Variants in LYST observed in about 807,000 individuals in gnomAD.
LYST encodes the protein lysosomal trafficking regulator.
In LYST, 192 loss-of-function variants were observed where a neutral mutation model predicts 413.6. The observed-to-expected ratio is 0.46, with a 90% confidence interval of 0.41 to 0.52. LYST has a LOEUF of 0.52. Among genes scored for constraint, LYST ranks in the 20% least tolerant of loss-of-function variants. The probability of loss-of-function intolerance (pLI) is 0.00; values close to 1 mark genes in which losing one functional copy is unlikely to be tolerated. For missense variants in LYST, 3,815 were observed against 4,499.9 expected (o/e 0.85, Z 4.35); for synonymous variants, 1,525 against 1,567.3 (o/e 0.97, Z 0.64).
In LYST at chr1:235,664,918, T is replaced by C. The variant is rs1360614526; in HGVS notation, c.11039-297A>G. 6.6e-6 allele frequency among the ~76,000 whole-genome samples: 1 copy of C among 152,168 alleles called. No individual in the cohort carries two copies. The highest frequency in any genetic ancestry group is 1.5e-5 in the Non-Finnish European group (1 of 68,034). ...AAGAGATTCTTCTGCCTCAGCCTTC[T>C]AAGTTGCTGGGACAACAGGTGCACG... On this transcript the variant is annotated intron_variant, in intron 50 of 52. Transcript: ENST00000389793. This position sits in a 1 kb window ranked among gnomAD's most constrained non-coding sequence, Gnocchi z 4.5.
intron 50 of LYST, among the ~76,000 whole-genome samples, chr1:235,672,247 G>C (rs1658999410): frequency 6.6e-6 from 1 of 152,148 alleles, no homozygotes; most frequent in African/African-American, 2.4e-5. Context: ...TTTGGAACTG[G>C]AAAAATAAAT....
Position 235,755,622 on chromosome 1 carries a change from G to A in LYST, c.7085C>T (p.Ala2362Val). 6.2e-7 allele frequency: 1 copy of A among 1,612,016 alleles called. No homozygotes were observed. Among genetic ancestry groups the A allele is most frequent in the South Asian group, 1.1e-5 (1 of 91,002 alleles). The change falls in exon 25 of 53, where the codon GCA (alanine) becomes GTA (valine). Residue 2362 changes from alanine to valine, a missense_variant. Ala to Val is a moderately conservative substitution (Grantham distance 64, BLOSUM62 0). Around this residue, in one of 4 missense-constraint regions of LYST, gnomAD observed 771 missense variants for 837.1 expected, o/e 0.92. Transcript: ENST00000389793. ...AAATTTATCTTTTTGTTCCTTAGAT[G>A]CTCTAGCAAAATATGCATCTAATAG... ...IKLLDAYFARASKEQKDKFLK... is the reference protein window; with the variant it reads ...IKLLDAYFARVSKEQKDKFLK...
intron 47 of LYST, among the ~76,000 whole-genome samples, chr1:235,688,859 C>G (rs969873146): frequency 1.3e-5 from 2 of 151,916 alleles, no homozygotes; most frequent in Non-Finnish European, 2.9e-5. Context: ...GTGGCACGCA[C>G]CTGTAGTCCC....
chr1:235,723,007 G>C (rs1393668452), intron 39 of LYST, among the ~76,000 whole-genome samples: 1 of 152,234 alleles, frequency 6.6e-6, no homozygotes, highest in Non-Finnish European at 1.5e-5. Flanking sequence ...CTTAAACCAG[G>C]ATGGTAGCAG....
At chr1:235,754,285 T>G (rs1396412130) in intron 25 of LYST, among the ~76,000 whole-genome samples, 1 of 142,704 alleles carries the variant, frequency 7.0e-6, no homozygotes, top group African/African-American at 2.5e-5. Flanking sequence ...CAGGCTGAAG[T>G]GCAATTGTGC....
intron 45 of LYST, among the ~76,000 whole-genome samples, chr1:235,701,633 T>A (rs1661560440): frequency 6.6e-6 from 1 of 152,036 alleles, no homozygotes; most frequent in Admixed American, 6.6e-5. Context: ...TCTCAATCAA[T>A]CAATCAATCA....
chr1:235,811,726 A>G (rs993893290), intron 4 of LYST, among the ~76,000 whole-genome samples: 5 of 152,336 alleles, frequency 3.3e-5, no homozygotes, highest in Admixed American at 2.0e-4. Flanking sequence ...TTACTAAGAC[A>G]GGGAAAGCAA....
chr1:235,780,849 T>A lies in LYST; in HGVS notation c.5214+16A>T, dbSNP rs1435465873. 8.6e-7 allele frequency: 1 copy of A among 1,162,750 alleles called. No individual in the cohort carries two copies. The highest frequency in any genetic ancestry group is 1.6e-5 in the African/African-American group (1 of 63,602). 72.0% of individuals were successfully genotyped at this position (1,162,750 alleles called of 1,614,324 possible). Reference sequence around the variant, plus strand: ...ACATTTACTATAAAATTAAAATTTATAAAATTAAAACTTACAATTAAGAGA... The same window carrying A: ...ACATTTACTATAAAATTAAAATTTAAAAAATTAAAACTTACAATTAAGAGA... On this transcript the variant is annotated intron_variant, in intron 16 of 52. Transcript: ENST00000389793.
rs151188898 is a variant in LYST at position 235,694,890 on chromosome 1, A to T, written c.10565-1404T>A. ...TCTCCTTTAACTATTAGGACAGTAT[A>T]TCTTAAATAGGATCTATTAAAATTG... On this transcript the variant is annotated intron_variant, in intron 46 of 52. Transcript: ENST00000389793. Among the ~76,000 whole-genome samples, 771 of 152,132 alleles carry T rather than the reference A, an allele frequency of 5.1e-3. 7 individuals carry two copies. Among genetic ancestry groups the T allele is most frequent in the African/African-American group, 0.018 (736 of 41,498 alleles).
intron 47 of LYST, among the ~76,000 whole-genome samples, chr1:235,688,858 A>C (rs1293798375): frequency 6.6e-6 from 1 of 151,872 alleles, no homozygotes; most frequent in Non-Finnish European, 1.5e-5. Flanking sequence ...GGTGGCACGC[A>C]CCTGTAGTCC....
chr1:235,670,141 T>TC (rs1356809375), intron 50 of LYST, among the ~76,000 whole-genome samples: 1 of 152,102 alleles, frequency 6.6e-6, no homozygotes, highest in African/African-American at 2.4e-5. Context: ...AAACTACCTT[T>TC]CCCACCTTAG....
chr1:235,692,963 G>A (rs985381426), intron 47 of LYST, among the ~76,000 whole-genome samples: 22 of 151,860 alleles, frequency 1.4e-4, no homozygotes, highest in African/African-American at 5.3e-4. Flanking sequence ...GGAGGGTGCA[G>A]TTAGCTGAGA....
Position 235,791,649 on chromosome 1 carries a change from T to C in LYST, c.4543+50A>G, listed in dbSNP as rs531323679. On this transcript the variant is annotated intron_variant, in intron 12 of 52. Coordinates refer to ENST00000389793, the MANE Select transcript of LYST (RefSeq NM_000081.4). ...CATTTTTACGGCTCAAGGAAAATTA[T>C]AGTCTGAAAACAATCTTTGTGTACA... 46 of 1,474,988 alleles carry C rather than the reference T, an allele frequency of 3.1e-5. No homozygotes were observed. The Admixed American group carries it at 5.7e-4, about 18-fold the overall frequency. The allele number at this position is 1,474,988 out of a possible 1,614,324, so 91.4% of individuals were successfully genotyped here. A position where few individuals can be genotyped will look rare whatever the true frequency, so the allele number is the denominator to read the frequency against.
At chr1:235,711,102 T>C (rs7531074) in intron 43 of LYST, among the ~76,000 whole-genome samples, 75,991 of 152,120 alleles carry the variant, frequency 0.5, 22,437 homozygotes, top group African/African-American at 0.82. Flanking sequence ...AATTTTATTA[T>C]CTGTGATTGA....
rs571530257 is a variant in LYST, at chr1:235,795,559, T to C, written c.4007-1947A>G. On this transcript the variant is annotated intron_variant, in intron 10 of 52. Coordinates refer to ENST00000389793, the MANE Select transcript of LYST (RefSeq NM_000081.4). ...TTTTTCTAAGGTATGCAAACTGCCA[T>C]GTAGGGTAATAGTATCCCTAATGGT... 2.4e-3 allele frequency among the ~76,000 whole-genome samples: 363 copies of C among 152,278 alleles called. 1 individual carries two copies. The highest frequency in any genetic ancestry group is 3.7e-3 in the Non-Finnish European group (250 of 68,010).
At position 235,809,318 on chromosome 1, in the gene LYST, C is replaced by A. The variant is rs758029213; in HGVS notation, c.1500G>T (p.Arg500Ser). 17 of 1,614,046 alleles carry A rather than the reference C, an allele frequency of 1.1e-5. No homozygotes were observed. The highest frequency in any genetic ancestry group is 8.5e-6 in the Non-Finnish European group (10 of 1,179,982). The change falls in exon 5 of 53, where the codon AGG (arginine) becomes AGT (serine). Residue 500 changes from arginine (R) to serine (S), a missense_variant. By Grantham distance (110) the Arg-to-Ser change is moderately radical (BLOSUM62 -1). This residue lies in a region of LYST where 1,648 missense variants were observed against 1,810.3 expected (regional missense o/e 0.91). Transcript: ENST00000389793. This position sits in a 1 kb window ranked among gnomAD's most constrained non-coding sequence, Gnocchi z 4.0. ...QLHHSMCTRK[R>S]HRRCEYSHFM... is the part of the protein sequence containing the mutation. ...AATGAGAATATTCACATCGTCTGTG[C>A]CTTTTTCTTGTACACATCGAATGAT...
At chr1:235,836,884 G>A (rs569593551) in intron 1 of LYST, among the ~76,000 whole-genome samples, 1 of 152,190 alleles carries the variant, frequency 6.6e-6, no homozygotes, top group African/African-American at 2.4e-5. Flanking sequence ...AAGTAATCAA[G>A]TAGGCAGCTG....
At chr1:235,820,820 G>A (rs1467812776) in intron 3 of LYST, among the ~76,000 whole-genome samples, 3 of 151,952 alleles carry the variant, frequency 2.0e-5, no homozygotes, top group African/African-American at 4.8e-5. Context: ...TAATATATGT[G>A]TATATACACA....
chr1:235,862,871 A>C (rs2103179963), intron 1 of LYST, among the ~76,000 whole-genome samples: 1 of 151,206 alleles, frequency 6.6e-6, no homozygotes, highest in African/African-American at 2.4e-5. Flanking sequence ...AAGTGAGACT[A>C]CCATAAAACC....
Sources: gnomAD v4.1 joint callset for allele counts (sites outside exome capture counted in the v4.1 genomes callset) on GRCh38, gnomAD v4.1.1 for gene constraint, gnomAD v4.1.1 regional missense constraint, Gnocchi (gnomAD v3.1) non-coding constraint, MANE v1.5 for transcripts, NCBI Gene and HGNC (gene_info 2026-07-23, HGNC 2026-07-21) for gene names.